Variants in EIF4G3 observed in about 807,000 individuals in gnomAD.
EIF4G3 encodes eIF-4-gamma 3.
A neutral mutation model predicts 186.4 loss-of-function variants in EIF4G3; 34 were observed. The ratio of observed to expected loss-of-function variants is 0.18; its 90% CI spans 0.14 to 0.24. The LOEUF (loss-of-function observed/expected upper bound fraction) is 0.24. Among genes scored for constraint, EIF4G3 ranks in the 10% least tolerant of loss-of-function variants. The pLI is 1.00. For missense variants in EIF4G3, 1,536 were observed against 1,948.5 expected, an observed-to-expected ratio of 0.79 and a Z score of 3.99; for synonymous variants, 673 against 679.5, an observed-to-expected ratio of 0.99 and a Z score of 0.15.
intron 30 of EIF4G3, among the ~76,000 whole-genome samples, chr1:20,830,674 A>G (rs951868252): frequency 1.3e-5 from 2 of 152,080 alleles, no homozygotes; most frequent in African/African-American, 2.4e-5. Flanking sequence ...TTTTTATCTC[A>G]TATATTTTAT....
rs41265973 is a variant in EIF4G3, at chr1:20,980,364, G to A, written c.463C>T (p.Pro155Ser). ...GCATTGGGGAAGTCCCCAGGTCCTG[G>A]TCCAGGATAAAAAGGACCTGGCCCC... ...PPGPGPFYPG[P>S]GPGDFPNAYG... The change falls in exon 10 of 37, where the codon CCA becomes TCA. Residue 155 changes from proline to serine, a missense_variant. Transcript: ENST00000602326. 665 of 1,549,890 alleles carry A rather than the reference G, an allele frequency of 4.3e-4. No individual in the cohort carries two copies. Among genetic ancestry groups the A allele is most frequent in the Non-Finnish European group, 1.8e-4 (206 of 1,159,276 alleles).
intron 14 of EIF4G3, among the ~76,000 whole-genome samples, chr1:20,921,063 A>C (rs1236021212): frequency 1.3e-5 from 2 of 152,184 alleles, no homozygotes; most frequent in African/African-American, 4.8e-5. Context: ...GGTGTGTTTG[A>C]AAATTCTAAG....
intron 28 of EIF4G3, among the ~76,000 whole-genome samples, chr1:20,850,179 A>AT (rs1157675169): frequency 2.0e-5 from 3 of 152,220 alleles, no homozygotes; most frequent in Non-Finnish European, 4.4e-5. Context: ...CTGACTCAGC[A>AT]GACTGAAGGC....
intron 2 of EIF4G3, among the ~76,000 whole-genome samples, chr1:21,105,792 G>A (rs2096606818): frequency 6.6e-6 from 1 of 152,140 alleles, no homozygotes; most frequent in Non-Finnish European, 1.5e-5. Context: ...GTTGGGCACA[G>A]AGACTCACTC....
chr1:20,822,458 G>A (rs1231325093), intron 33 of EIF4G3, among the ~76,000 whole-genome samples: 2 of 146,610 alleles, frequency 1.4e-5, no homozygotes, highest in Non-Finnish European at 3.0e-5. Context: ...TCCACCTCCT[G>A]GAGAACCAGC....
At chr1:21,073,861 C>T in intron 3 of EIF4G3, 1 of 275,702 alleles carries the variant, frequency 3.6e-6, no homozygotes, top group Non-Finnish European at 7.4e-6. Flanking sequence ...GGCTGGAGTG[C>T]AGTGGTGTGA....
At chr1:21,028,709 A>C (rs1035064870) in intron 4 of EIF4G3, among the ~76,000 whole-genome samples, 6 of 152,236 alleles carry the variant, frequency 3.9e-5, no homozygotes, top group African/African-American at 1.4e-4. Context: ...ATGATACATA[A>C]CTTCACAAGC....
chr1:20,864,674 T>G lies in EIF4G3; in HGVS notation c.2808A>C (p.Glu936Asp). ...ERTRLHDELE[E>D]AKDKARRRSI... ...ATCTCCGCCGGGCTTTGTCCTTGGC[T>G]TCTTCCAGTTCATCATGAAGCCTTG... Residue 936 changes from glutamate (E) to aspartate (D), a missense_variant, in exon 22 of 37, where the codon GAA becomes GAC. Physicochemically the swap from Glu to Asp is conservative, Grantham distance 45 (BLOSUM62 2). Transcript: ENST00000602326. 3.7e-6 allele frequency: 6 copies of G among 1,614,190 alleles called. No homozygotes were observed. Among genetic ancestry groups the G allele is most frequent in the Non-Finnish European group, 4.2e-6 (5 of 1,180,014 alleles).
At chr1:21,146,707 A>G (rs1573312471) in intron 2 of EIF4G3, among the ~76,000 whole-genome samples, 1 of 152,188 alleles carries the variant, frequency 6.6e-6, no homozygotes, top group Admixed American at 6.5e-5. Context: ...CAGTGAGCCA[A>G]GATCATGCCA....
chr1:20,892,613 G>C (rs758109649), intron 18 of EIF4G3: 9 of 1,516,150 alleles, frequency 5.9e-6, no homozygotes, highest in Non-Finnish European at 7.1e-6. Context: ...AAAGTGTTCA[G>C]CGCACCCCTA....
At chr1:20,807,552 G>T in intron 36 of EIF4G3, 52 bp from the exon 37 acceptor site, 1 of 1,398,014 alleles carries the variant, frequency 7.2e-7, no homozygotes. Flanking sequence ...TAGTTATGAG[G>T]AAAAGAATAT....
intron 2 of EIF4G3, among the ~76,000 whole-genome samples, chr1:21,122,366 A>C (rs2096941473): frequency 6.6e-6 from 1 of 152,232 alleles, no homozygotes; most frequent in African/African-American, 2.4e-5. Flanking sequence ...GCAAGAAGTC[A>C]AATAATTTCT....
chr1:21,155,640 T>C (rs896963732), intron 2 of EIF4G3, among the ~76,000 whole-genome samples: 2 of 152,078 alleles, frequency 1.3e-5, no homozygotes, highest in Admixed American at 1.3e-4. Flanking sequence ...GAGTTTGCAG[T>C]GAGCTATGAC....
intron 3 of EIF4G3, among the ~76,000 whole-genome samples, chr1:21,066,260 CTGCAGCCTCATCAGACTCAG>C (rs1363215667): frequency 6.6e-6 from 1 of 150,706 alleles, no homozygotes; most frequent in Admixed American, 6.6e-5. Context: ...GGGCCAGGCC[CTGCAGCCTCATCAGACTCAG>C]TCCACTCCTG....
chr1:21,038,851 A>G (rs967930957), intron 4 of EIF4G3, among the ~76,000 whole-genome samples: 2 of 152,218 alleles, frequency 1.3e-5, no homozygotes, highest in Admixed American at 1.3e-4. Flanking sequence ...CCTACTTAGA[A>G]AAAGAATGTT....
At chr1:20,822,355 C>CTTTTTT (rs57050580) in intron 33 of EIF4G3, among the ~76,000 whole-genome samples, 1 of 65,048 alleles carries the variant, frequency 1.5e-5, no homozygotes, top group Non-Finnish European at 2.7e-5. Flanking sequence ...AAAGAACCAG[C>CTTTTTT]TTTTTTTTTT....
intron 2 of EIF4G3, among the ~76,000 whole-genome samples, chr1:21,173,867 A>C (rs2098043866): frequency 1.3e-5 from 2 of 152,210 alleles, no homozygotes; most frequent in Admixed American, 1.3e-4. Flanking sequence ...TGCGTCAAAT[A>C]CAAATTCCCA....
At chr1:20,837,181 AC>A (rs2066991705) in intron 30 of EIF4G3, among the ~76,000 whole-genome samples, 1 of 151,834 alleles carries the variant, frequency 6.6e-6, no homozygotes, top group African/African-American at 2.4e-5. Context: ...TAGCTACCTC[AC>A]CAGGGACCAG....
intron 10 of EIF4G3, among the ~76,000 whole-genome samples, chr1:20,979,967 G>A (rs1427255448): frequency 6.6e-6 from 1 of 152,000 alleles, no homozygotes; most frequent in East Asian, 1.9e-4. Context: ...AGCCTGGATG[G>A]TCTCAATCTC....
Sources: gnomAD v4.1 joint callset for allele counts (sites outside exome capture counted in the v4.1 genomes callset) on GRCh38, gnomAD v4.1.1 for gene constraint, MANE v1.5 for transcripts, NCBI Gene and HGNC (gene_info 2026-07-23, HGNC 2026-07-21) for gene names.